PRKX: variants seen among roughly 807,000 people sequenced by gnomAD.
PRKX encodes cAMP-dependent protein kinase catalytic subunit PRKX.
A neutral mutation model predicts 22.0 loss-of-function variants in PRKX; 12 were observed. The observed-to-expected ratio is 0.54, with a 90% CI of 0.35 to 0.88. The LOEUF is 0.88. Among genes scored for constraint, PRKX ranks in the 40% least tolerant of loss-of-function variants. The pLI, the probability that PRKX is intolerant of heterozygous loss-of-function variation, is 0.01. For missense variants in PRKX, 217 were observed against 308.0 expected, an observed-to-expected ratio of 0.70 and a Z score of 2.21; for synonymous variants, 134 against 137.7, an observed-to-expected ratio of 0.97 and a Z score of 0.19.
chrX:3,657,927 C>T (rs1043201909), intron 2 of PRKX, among the ~76,000 whole-genome samples: 1 of 111,842 alleles, frequency 8.9e-6, no homozygotes, highest in Non-Finnish European at 1.9e-5. Flanking sequence ...AATGAAAGAA[C>T]GTTTTCACCT....
At chrX:3,619,037 T>C (rs1926500560) in intron 6 of PRKX, among the ~76,000 whole-genome samples, 1 of 112,300 alleles carries the variant, frequency 8.9e-6, no homozygotes, top group African/African-American at 3.2e-5. Flanking sequence ...TGTTATAGGG[T>C]AAACAATGTC....
intron 4 of PRKX, among the ~76,000 whole-genome samples, chrX:3,636,001 C>T (rs1009448055): frequency 2.7e-5 from 3 of 112,164 alleles, no homozygotes; most frequent in African/African-American, 9.7e-5. Flanking sequence ...TTGGAAAGTG[C>T]ATGAGTGATT....
intron 1 of PRKX, among the ~76,000 whole-genome samples, chrX:3,691,798 T>G (rs918406819): frequency 6.3e-5 from 7 of 110,960 alleles, no homozygotes; most frequent in African/African-American, 2.3e-4. Context: ...CACAGACAGA[T>G]AGAAAGATAG....
intron 1 of PRKX, among the ~76,000 whole-genome samples, chrX:3,711,013 G>C (rs1250403050): frequency 9.0e-6 from 1 of 111,553 alleles, no homozygotes; most frequent in Non-Finnish European, 1.9e-5. Context: ...AAAAGGCTTA[G>C]GATTTTATAA....
chrX:3,701,258 G>A (rs180698339), intron 1 of PRKX, among the ~76,000 whole-genome samples: 4 of 109,694 alleles, frequency 3.6e-5, no homozygotes, highest in Non-Finnish European at 3.8e-5. Flanking sequence ...ATAGGTATGC[G>A]CCACCACACA....
At chrX:3,701,483 G>A (rs6567588) in intron 1 of PRKX, among the ~76,000 whole-genome samples, 37,212 of 111,182 alleles carry the variant, frequency 0.33, 4,613 homozygotes, top group East Asian at 0.47. Flanking sequence ...TGCTTTCTCA[G>A]CACCTTTTGA....
rs997883636 is a variant in PRKX at position 3,620,465 on chromosome X, C to T, written c.873+794G>A. 5.3e-5 allele frequency among the ~76,000 whole-genome samples: 6 copies of T among 112,169 alleles called. No individual in the cohort carries two copies. The Admixed American group carries it at 5.7e-4, about 11-fold the overall frequency. On this transcript the variant is annotated intron_variant, in intron 6 of 8. Transcript: ENST00000262848. ...CCCTGGGCCACAAACTGGTAGTGGT[C>T]CACGGCCTATGAGGAACCAAAATGG...
At chrX:3,691,952 TTGGATGGA>T (rs942636889) in intron 1 of PRKX, among the ~76,000 whole-genome samples, 3 of 108,866 alleles carry the variant, frequency 2.8e-5, no homozygotes, top group African/African-American at 1.0e-4. Context: ...GATTAATTGA[TTGGATGGA>T]TGGATGGATG....
At chrX:3,619,176 C>T (rs1926503303) in intron 6 of PRKX, among the ~76,000 whole-genome samples, 1 of 111,735 alleles carries the variant, frequency 8.9e-6, no homozygotes, top group South Asian at 3.7e-4. Flanking sequence ...AAGGGTGGGC[C>T]CTAAATCCAG....
chrX:3,665,921 T>TGGAGGG (rs1555895939), intron 2 of PRKX, among the ~76,000 whole-genome samples: 2 of 94,635 alleles, frequency 2.1e-5, no homozygotes, highest in African/African-American at 3.9e-5. Context: ...GTTCTGGAGA[T>TGGAGGG]GGATGGGGAT....
chrX:3,620,377 G>A (rs1926528893), intron 6 of PRKX, among the ~76,000 whole-genome samples: 1 of 112,446 alleles, frequency 8.9e-6, no homozygotes, highest in Admixed American at 9.5e-5. Flanking sequence ...GCAGAGCCCA[G>A]AACACCGAAC....
chrX:3,631,944 G>C (rs1002841477), intron 4 of PRKX, among the ~76,000 whole-genome samples: 1 of 112,281 alleles, frequency 8.9e-6, no homozygotes, highest in South Asian at 3.7e-4. Flanking sequence ...AGCAGCGTCA[G>C]GACATTCATA....
At chrX:3,643,430 A>G (rs1927125753) in intron 3 of PRKX, among the ~76,000 whole-genome samples, 1 of 111,871 alleles carries the variant, frequency 8.9e-6, no homozygotes, top group African/African-American at 3.2e-5. Context: ...AAGCTGGAAG[A>G]CTCATGGGCT....
intron 1 of PRKX, among the ~76,000 whole-genome samples, chrX:3,712,770 G>T (rs946062362): frequency 8.9e-6 from 1 of 112,851 alleles, no homozygotes; most frequent in Non-Finnish European, 1.9e-5. Flanking sequence ...CCCGCAGGAG[G>T]TTTTGTGACG....
intron 2 of PRKX, among the ~76,000 whole-genome samples, chrX:3,656,436 G>A (rs1927482253): frequency 8.9e-6 from 1 of 111,818 alleles, no homozygotes; most frequent in Admixed American, 9.5e-5. Context: ...TAGGATATGG[G>A]TATAGACGTG....
intron 1 of PRKX, among the ~76,000 whole-genome samples, chrX:3,689,211 A>G (rs1344349119): frequency 8.9e-6 from 1 of 112,459 alleles, no homozygotes; most frequent in Non-Finnish European, 1.9e-5. Flanking sequence ...TTTCCTTGAC[A>G]TTTTCCCCCC....
chrX:3,617,976 A>G (rs1235302875), intron 6 of PRKX, among the ~76,000 whole-genome samples: 1 of 104,763 alleles, frequency 9.5e-6, no homozygotes, highest in Non-Finnish European at 1.9e-5. Flanking sequence ...CAATGGACAG[A>G]GTTTCACTCC....
At chrX:3,682,144 G>C (rs1399332461) in intron 1 of PRKX, among the ~76,000 whole-genome samples, 2 of 110,397 alleles carry the variant, frequency 1.8e-5, no homozygotes, top group Admixed American at 9.7e-5. Flanking sequence ...GGAAGGTGAC[G>C]GGAGAAGGAC....
At chrX:3,698,922 A>T (rs1207674118) in intron 1 of PRKX, among the ~76,000 whole-genome samples, 1 of 105,622 alleles carries the variant, frequency 9.5e-6, no homozygotes, top group Admixed American at 1.0e-4. Flanking sequence ...TGGAGAATCT[A>T]TCCCAGACCA....
Sources: allele counts gnomAD v4.1 joint callset (sites outside exome capture counted in the v4.1 genomes callset), GRCh38; gene constraint gnomAD v4.1.1; transcripts MANE v1.5; gene names NCBI Gene and HGNC (gene_info 2026-07-23, HGNC 2026-07-21).